The following CCDC141 variants were observed in gnomAD, a reference collection of about 807,000 sequenced individuals.
The protein encoded by CCDC141 is coiled-coil domain containing 141.
In CCDC141, 168 loss-of-function variants were observed where a neutral mutation model predicts 181.0. That is an observed-to-expected ratio of 0.93 (90% CI 0.82 to 1.05). The LOEUF (loss-of-function observed/expected upper bound fraction) is 1.05, where lower values mean the gene tolerates loss of function less well. Among genes scored for constraint, CCDC141 ranks in the 50% least tolerant of loss-of-function variants. CCDC141 has a pLI of 0.00. For synonymous variants in CCDC141, 666 were observed against 642.3 expected, an observed-to-expected ratio of 1.04 and a Z score of -0.56; for missense variants, 1,902 against 1,788.5, an observed-to-expected ratio of 1.06 and a Z score of -1.14.
intron 17 of CCDC141, among the ~76,000 whole-genome samples, chr2:178,864,488 G>A (rs1252299295): frequency 1.3e-5 from 2 of 152,146 alleles, no homozygotes; most frequent in Non-Finnish European, 2.9e-5. Context: ...CGCCTCTCTA[G>A]CCAAAAGTAA....
At chr2:178,904,390 T>C (rs1687860577) in intron 8 of CCDC141, among the ~76,000 whole-genome samples, 1 of 152,180 alleles carries the variant, frequency 6.6e-6, no homozygotes, top group African/African-American at 2.4e-5. Flanking sequence ...CTGGAAAGAA[T>C]GTTCCCCAAA....
intron 2 of CCDC141, among the ~76,000 whole-genome samples, chr2:179,011,896 T>C (rs117709951): frequency 1.3e-5 from 2 of 152,268 alleles, no homozygotes; most frequent in South Asian, 2.1e-4. Flanking sequence ...GAAATCCAGA[T>C]GGAAATTTAA....
intron 2 of CCDC141, among the ~76,000 whole-genome samples, chr2:179,014,762 C>A (rs754056797): frequency 9.9e-5 from 15 of 151,620 alleles, no homozygotes; most frequent in Non-Finnish European, 1.6e-4. Context: ...TCAAAAAAAT[C>A]AAAAAACAGT....
At chr2:178,847,480 A>AG (rs1684988019) in intron 21 of CCDC141, among the ~76,000 whole-genome samples, 1 of 152,172 alleles carries the variant, frequency 6.6e-6, no homozygotes, top group Non-Finnish European at 1.5e-5. Context: ...GCCGTGAGCC[A>AG]TGATAACACC....
intron 20 of CCDC141, among the ~76,000 whole-genome samples, chr2:178,850,866 G>C (rs1310721717): frequency 6.6e-6 from 1 of 152,176 alleles, no homozygotes; most frequent in Non-Finnish European, 1.5e-5. Flanking sequence ...TCCTTGGATA[G>C]ATTCTACTAC....
At chr2:178,820,210 A>T in the CCDC141 span, among the ~76,000 whole-genome samples, 1 of 152,130 alleles carries the variant, frequency 6.6e-6, no homozygotes, top group Non-Finnish European at 1.5e-5. Context: ...TGAAAGCTCA[A>T]GGTACTATTT....
intron 3 of CCDC141, among the ~76,000 whole-genome samples, chr2:178,977,332 T>C (rs1691164292): frequency 1.3e-5 from 2 of 152,084 alleles, no homozygotes; most frequent in African/African-American, 4.8e-5. Flanking sequence ...AAAGAAAATT[T>C]CCTGGGCTCA....
the CCDC141 span, among the ~76,000 whole-genome samples, chr2:178,815,603 C>A: frequency 1.3e-5 from 2 of 152,126 alleles, no homozygotes; most frequent in Admixed American, 6.6e-5. Context: ...CTCCAGGACC[C>A]CCTAACCCCC....
chr2:178,964,767 A>G (rs1259299535), intron 4 of CCDC141, among the ~76,000 whole-genome samples: 1 of 152,212 alleles, frequency 6.6e-6, no homozygotes, highest in Non-Finnish European at 1.5e-5. Context: ...TTTCCCCAAG[A>G]GTAAACTGTC....
intron 6 of CCDC141, among the ~76,000 whole-genome samples, chr2:178,926,871 A>G (rs924992310): frequency 9.9e-5 from 15 of 152,230 alleles, no homozygotes; most frequent in African/African-American, 3.4e-4. Context: ...CATATGTTAT[A>G]TGCATTGGAA....
chr2:178,851,300 A>G (rs1198426267), intron 20 of CCDC141, among the ~76,000 whole-genome samples: 1 of 151,976 alleles, frequency 6.6e-6, no homozygotes, highest in Non-Finnish European at 1.5e-5. Context: ...TCTACACCCT[A>G]GGCCAAGATT....
chr2:179,023,277 T>A (rs1265721094), intron 2 of CCDC141, among the ~76,000 whole-genome samples: 1 of 152,192 alleles, frequency 6.6e-6, no homozygotes, highest in Non-Finnish European at 1.5e-5. Flanking sequence ...ATCCACCTTC[T>A]GAGGTAGGTA....
chr2:178,847,694 T>C (rs967235232), intron 21 of CCDC141, among the ~76,000 whole-genome samples: 4 of 152,186 alleles, frequency 2.6e-5, no homozygotes, highest in Non-Finnish European at 5.9e-5. Context: ...GTAGTAGTTA[T>C]ATGTGGGATT....
chr2:178,859,551 A>AT (rs1553473326), intron 17 of CCDC141, among the ~76,000 whole-genome samples: 1 of 152,122 alleles, frequency 6.6e-6, no homozygotes, highest in Non-Finnish European at 1.5e-5. Context: ...CCTGTTAGAA[A>AT]TCTTGAAATG....
chr2:178,905,727 A>G (rs1575198661), intron 7 of CCDC141, among the ~76,000 whole-genome samples: 1 of 152,248 alleles, frequency 6.6e-6, no homozygotes, highest in Non-Finnish European at 1.5e-5. Flanking sequence ...CTAAATGTCA[A>G]TACCATAAAA....
intron 4 of CCDC141, among the ~76,000 whole-genome samples, chr2:178,973,916 T>C (rs1691009176): frequency 6.6e-6 from 1 of 152,230 alleles, no homozygotes; most frequent in South Asian, 2.1e-4. Flanking sequence ...TTACTACTGC[T>C]GTATAATAAT....
chr2:178,965,106 T>G (rs1685266931), intron 4 of CCDC141, among the ~76,000 whole-genome samples: 1 of 152,232 alleles, frequency 6.6e-6, no homozygotes, highest in Non-Finnish European at 1.5e-5. Flanking sequence ...AAATGAGTAC[T>G]TTCTAAAATG....
At chr2:179,045,252 A>C (rs2043455558) in intron 2 of CCDC141, among the ~76,000 whole-genome samples, 2 of 142,714 alleles carry the variant, frequency 1.4e-5, no homozygotes, top group South Asian at 4.6e-4. Flanking sequence ...TATGAGTGAG[A>C]ATATGTGGTG....
chr2:178,824,617 CAAAAAAAAAAAA>C, the CCDC141 span, among the ~76,000 whole-genome samples: 1 of 52,292 alleles, frequency 1.9e-5, no homozygotes, highest in Non-Finnish European at 3.2e-5. Context: ...GAGACTTCGT[CAAAAAAAAAAAA>C]AAAAAAAAAA....
Sources: allele counts gnomAD v4.1 joint callset (sites outside exome capture counted in the v4.1 genomes callset), GRCh38; gene constraint gnomAD v4.1.1; transcripts MANE v1.5; gene names NCBI Gene and HGNC (gene_info 2026-07-23, HGNC 2026-07-21).